The following CALN1 variants were observed in gnomAD, a reference collection of about 807,000 sequenced individuals.
CALN1 encodes calcium-binding protein 8.
Under a neutral mutation model 30.6 loss-of-function variants are expected in CALN1, and 17 were observed. The ratio of observed to expected loss-of-function variants is 0.56; its 90% CI spans 0.38 to 0.83. CALN1 has a LOEUF of 0.83. Ranked by LOEUF, CALN1 falls within the 40% of genes least tolerant of loss-of-function variation. CALN1 has a pLI of 0.00. For synonymous variants in CALN1, 156 were observed against 131.4 expected, an observed-to-expected ratio of 1.19 and a Z score of -1.28; for missense variants, 291 against 354.9, an observed-to-expected ratio of 0.82 and a Z score of 1.45.
intron 3 of CALN1, among the ~76,000 whole-genome samples, chr7:72,236,132 T>A (rs982279599): frequency 1.3e-5 from 2 of 151,546 alleles, no homozygotes; most frequent in Non-Finnish European, 2.9e-5. Context: ...TGATTTCACA[T>A]TCCAGTCCAA....
intron 5 of CALN1, among the ~76,000 whole-genome samples, chr7:71,829,484 G>A (rs1789131749): frequency 6.6e-6 from 1 of 152,202 alleles, no homozygotes; most frequent in South Asian, 2.1e-4. Flanking sequence ...TTTGTTATAA[G>A]AGCAACAGGG....
intron 4 of CALN1, among the ~76,000 whole-genome samples, chr7:72,075,647 A>C (rs796286381): frequency 7.2e-5 from 11 of 152,242 alleles, no homozygotes; most frequent in African/African-American, 2.4e-4. Flanking sequence ...CCTGGGTGAC[A>C]ATGCTCAAGC....
At chr7:72,253,562 G>A (rs1209764100) in intron 3 of CALN1, among the ~76,000 whole-genome samples, 2 of 152,184 alleles carry the variant, frequency 1.3e-5, no homozygotes, top group Admixed American at 6.5e-5. Flanking sequence ...GAGAAACAGA[G>A]AACGTGCAGG....
chr7:72,326,856 G>A (rs1406450888), intron 2 of CALN1, among the ~76,000 whole-genome samples: 1 of 152,158 alleles, frequency 6.6e-6, no homozygotes, highest in East Asian at 1.9e-4. Flanking sequence ...ATGTCACTCA[G>A]TCTCTCTGAC....
At chr7:72,409,651 G>C (rs972036897) in intron 1 of CALN1, among the ~76,000 whole-genome samples, 1 of 151,986 alleles carries the variant, frequency 6.6e-6, no homozygotes, top group Admixed American at 6.5e-5. Context: ...AGATTGAGCT[G>C]AAAATCTAAT....
chr7:72,239,852 C>T (rs1431335562), intron 3 of CALN1, among the ~76,000 whole-genome samples: 1 of 152,178 alleles, frequency 6.6e-6, no homozygotes, highest in African/African-American at 2.4e-5. Flanking sequence ...CTAAAACCAA[C>T]AGAACCACTG....
chr7:72,383,643 C>A (rs925334926), intron 2 of CALN1, among the ~76,000 whole-genome samples: 2 of 152,228 alleles, frequency 1.3e-5, no homozygotes, highest in African/African-American at 4.8e-5. Flanking sequence ...GTATAGGACC[C>A]CATCTTACCT....
chr7:72,394,633 G>A (rs1392167925), intron 2 of CALN1, among the ~76,000 whole-genome samples: 1 of 149,556 alleles, frequency 6.7e-6, no homozygotes, highest in Non-Finnish European at 1.5e-5. Flanking sequence ...TAATCTGAGT[G>A]TATGGCACAA....
intron 5 of CALN1, among the ~76,000 whole-genome samples, chr7:71,975,459 T>C: frequency 6.6e-6 from 1 of 152,108 alleles, no homozygotes; most frequent in East Asian, 1.9e-4. Context: ...GGGGGTCTTG[T>C]TCTGTTGCCC....
Position 72,388,095 on chromosome 7 carries a change from A to C in CALN1, c.119+15156T>G, listed in dbSNP as rs1805350607. 2.6e-5 allele frequency among the ~76,000 whole-genome samples: 4 copies of C among 152,322 alleles called. No individual in the cohort carries two copies. The South Asian group carries it at 6.2e-4, about 24-fold the overall frequency. On this transcript the variant is annotated intron_variant, in intron 2 of 6. Transcript: ENST00000395275. ...CGCAAAATTGCTTTTGCACCAACCT[A>C]GTAGAAGAAAGGACTTTTTAAAATG...
At chr7:71,927,457 G>A (rs993832795) in intron 5 of CALN1, among the ~76,000 whole-genome samples, 10 of 152,232 alleles carry the variant, frequency 6.6e-5, no homozygotes, top group South Asian at 2.1e-4. Flanking sequence ...TGATCCACCC[G>A]CCTCAGCCTT....
chr7:71,863,251 CCT>C (rs571718813), intron 5 of CALN1, among the ~76,000 whole-genome samples: 2 of 147,418 alleles, frequency 1.4e-5, no homozygotes. Context: ...TGAGTGAGAC[CCT>C]CTCTCTCTCT....
chr7:71,784,863 G>A lies in CALN1; in HGVS notation c.*2912C>T, dbSNP rs563517027. 25 of 398,656 alleles carry A rather than the reference G, an allele frequency of 6.3e-5. No homozygotes were observed. The highest frequency in any genetic ancestry group is 3.8e-4 in the South Asian group (3 of 7,860). 24.7% of individuals were successfully genotyped at this position (398,656 alleles called of 1,614,324 possible). ...CCAGGACCTTCTGGAATCTTCAGCCGTGAGCTTCATAGCCACCATGATGGG... is the reference window on the plus strand; with the variant it reads ...CCAGGACCTTCTGGAATCTTCAGCCATGAGCTTCATAGCCACCATGATGGG... On this transcript the variant is annotated 3_prime_UTR_variant, in exon 7 of 7. Transcript: ENST00000395275.
At chr7:72,321,468 T>C (rs1013183967) in intron 2 of CALN1, among the ~76,000 whole-genome samples, 10 of 152,190 alleles carry the variant, frequency 6.6e-5, no homozygotes, top group African/African-American at 2.2e-4. Context: ...ACAAGTGTTC[T>C]CTATGGGTTT....
chr7:72,307,300 T>G (rs1799720098), intron 2 of CALN1, among the ~76,000 whole-genome samples: 2 of 152,178 alleles, frequency 1.3e-5, no homozygotes, highest in South Asian at 4.1e-4. Context: ...ACATGTTATT[T>G]TTGAGTTGAC....
At chr7:72,427,842 C>G (rs533670814) in intron 1 of CALN1, among the ~76,000 whole-genome samples, 1 of 152,180 alleles carries the variant, frequency 6.6e-6, no homozygotes, top group South Asian at 2.1e-4. Flanking sequence ...AAAGTTCTCT[C>G]AGTGGTAGAT....
chr7:71,825,729 C>T (rs1055147898), intron 5 of CALN1, among the ~76,000 whole-genome samples: 1 of 151,912 alleles, frequency 6.6e-6, no homozygotes, highest in Non-Finnish European at 1.5e-5. Context: ...TGAGAAAATG[C>T]AACGTTCAAA....
intron 2 of CALN1, among the ~76,000 whole-genome samples, chr7:72,352,388 C>CAAAAA (rs59245091): frequency 0.024 from 1,941 of 81,540 alleles, 143 homozygotes; most frequent in African/African-American, 0.035. Context: ...GACTCTGTCT[C>CAAAAA]AAAAAAAAAA....
At chr7:72,071,749 T>G (rs1804409548) in intron 4 of CALN1, among the ~76,000 whole-genome samples, 1 of 152,226 alleles carries the variant, frequency 6.6e-6, no homozygotes, top group Admixed American at 6.5e-5. Flanking sequence ...GAAAGTATGG[T>G]CCATTCAAAG....
Sources: gnomAD v4.1 joint callset for allele counts (sites outside exome capture counted in the v4.1 genomes callset) on GRCh38, gnomAD v4.1.1 for gene constraint, MANE v1.5 for transcripts, NCBI Gene and HGNC (gene_info 2026-07-23, HGNC 2026-07-21) for gene names.